Variants in PRDM6 observed in about 807,000 individuals in gnomAD.
PRDM6 encodes the protein PR/SET domain 6, also known as putative histone-lysine N-methyltransferase PRDM6.
In PRDM6, 25 loss-of-function variants were observed where a neutral mutation model predicts 60.8. The ratio of observed to expected loss-of-function variants is 0.41; its 90% CI spans 0.30 to 0.57. The LOEUF (loss-of-function observed/expected upper bound fraction) is 0.57. Among genes scored for constraint, PRDM6 ranks in the 20% least tolerant of loss-of-function variants. The pLI, the probability that PRDM6 is intolerant of heterozygous loss-of-function variation, is 0.27. For missense variants in PRDM6, 839 were observed against 821.3 expected, an observed-to-expected ratio of 1.02 and a Z score of -0.26; for synonymous variants, 407 against 357.4, an observed-to-expected ratio of 1.14 and a Z score of -1.57.
chr5:123,125,114 AC>A (rs1764663942), intron 3 of PRDM6, among the ~76,000 whole-genome samples: 1 of 137,512 alleles, frequency 7.3e-6, no homozygotes, highest in Non-Finnish European at 1.5e-5. Flanking sequence ...CCCTCCTAGT[AC>A]CTTGCTCAAT....
chr5:123,184,864 C>T (rs2126893674), intron 7 of PRDM6, among the ~76,000 whole-genome samples: 1 of 152,228 alleles, frequency 6.6e-6, no homozygotes, highest in East Asian at 1.9e-4. Flanking sequence ...TTCTGGTAGC[C>T]TTCTTTCCTC....
chr5:123,137,072 G>A (rs1189911384), intron 3 of PRDM6, among the ~76,000 whole-genome samples: 1 of 152,216 alleles, frequency 6.6e-6, no homozygotes, highest in Non-Finnish European at 1.5e-5. Context: ...AGGATGAAGT[G>A]AGATAATATA....
chr5:123,165,226 A>T (rs335213), intron 5 of PRDM6, among the ~76,000 whole-genome samples: 32,884 of 151,918 alleles, frequency 0.22, 4,144 homozygotes, highest in African/African-American at 0.34. Flanking sequence ...CTCACATGCA[A>T]CTCCAACTAA....
chr5:123,125,145 A>T (rs1449519166), intron 3 of PRDM6, among the ~76,000 whole-genome samples: 1 of 138,066 alleles, frequency 7.2e-6, no homozygotes, highest in African/African-American at 3.0e-5. Context: ...TACATACCGC[A>T]CCCCCTCCCC....
At chr5:123,169,273 T>C (rs1393242052) in intron 5 of PRDM6, among the ~76,000 whole-genome samples, 1 of 152,224 alleles carries the variant, frequency 6.6e-6, no homozygotes, top group East Asian at 1.9e-4. Flanking sequence ...ACCTATGAAA[T>C]GACCAGCAAA....
intron 4 of PRDM6, among the ~76,000 whole-genome samples, chr5:123,156,748 C>T (rs1765509105): frequency 2.0e-5 from 3 of 152,100 alleles, no homozygotes; most frequent in South Asian, 4.1e-4. Context: ...GGTGGATTCC[C>T]CGGACACTCA....
At chr5:123,091,875 C>T (rs547248673) in intron 2 of PRDM6, among the ~76,000 whole-genome samples, 1 of 151,974 alleles carries the variant, frequency 6.6e-6, no homozygotes, top group African/African-American at 2.4e-5. Context: ...CTTCTTAATT[C>T]GTTGTAAAAG....
chr5:123,106,881 T>C (rs750442810), intron 3 of PRDM6, among the ~76,000 whole-genome samples: 1 of 152,244 alleles, frequency 6.6e-6, no homozygotes, highest in Non-Finnish European at 1.5e-5. Context: ...CATTCCAGTG[T>C]GGTATAGACA....
chr5:123,170,832 G>GCAGCAAACT lies in PRDM6; in HGVS notation c.1222_1230dup (p.Ser408_Leu410dup), dbSNP rs1242049316. The GCAGCAAACT allele has an allele frequency of 1.3e-6, 2 of 1,552,058 alleles. No individual in the cohort carries two copies. Among genetic ancestry groups the GCAGCAAACT allele is most frequent in the African/African-American group, 2.7e-5 (2 of 73,040 alleles). On this transcript the variant is annotated inframe_insertion, in exon 6 of 8. Coordinates refer to ENST00000407847, the MANE Select transcript of PRDM6 (RefSeq NM_001136239.4). ...GACGCCCTGCAGCCCTTCAACAAAAGCAGCAAACTCGCCCCTACCACCCAG... is the reference window on the plus strand; with the variant it reads ...GACGCCCTGCAGCCCTTCAACAAAAGCAGCAAACTCAGCAAACTCGCCCCTACCACCCAG...
intron 3 of PRDM6, among the ~76,000 whole-genome samples, chr5:123,134,169 C>A (rs1199305155): frequency 6.6e-6 from 1 of 152,070 alleles, no homozygotes; most frequent in Non-Finnish European, 1.5e-5. Flanking sequence ...CGAAATTTAT[C>A]TGAAAAATAA....
intron 6 of PRDM6, among the ~76,000 whole-genome samples, chr5:123,175,865 G>A (rs961019636): frequency 1.3e-5 from 2 of 152,174 alleles, no homozygotes; most frequent in Non-Finnish European, 2.9e-5. Context: ...CAAATGAATT[G>A]CACATTTTAC....
chr5:123,105,140 A>G (rs73796828), intron 3 of PRDM6, among the ~76,000 whole-genome samples: 2,376 of 152,322 alleles, frequency 0.016, 49 homozygotes, highest in African/African-American at 0.054. Context: ...CAGTTTATCT[A>G]TTTTTACAAA....
In PRDM6 at chr5:123,180,130, C is replaced by T; in HGVS notation, c.1497-17C>T. On this transcript the variant is annotated splice_polypyrimidine_tract_variant and intron_variant, in intron 6 of 7. Coordinates refer to ENST00000407847, the MANE Select transcript of PRDM6 (RefSeq NM_001136239.4). The stretch of plus-strand genomic sequence containing the variant: ...ACGCAGAAAACAATGACCAGACAGT[C>T]TGTTTATTTGTTTCAGACCCTACCA... The T allele has an allele frequency of 6.6e-7, 1 of 1,519,992 alleles. No homozygotes were observed. The allele number at this position is 1,519,992 out of a possible 1,614,324, so 94.2% of individuals were successfully genotyped here.
At chr5:123,153,730 G>C (rs1580522634) in intron 3 of PRDM6, among the ~76,000 whole-genome samples, 1 of 152,162 alleles carries the variant, frequency 6.6e-6, no homozygotes, top group African/African-American at 2.4e-5. Context: ...GAGTGTAGGG[G>C]GAAACACTTT....
chr5:123,112,284 T>C (rs1315506228), intron 3 of PRDM6, among the ~76,000 whole-genome samples: 1 of 152,218 alleles, frequency 6.6e-6, no homozygotes, highest in African/African-American at 2.4e-5. Context: ...TTAGCAGTGC[T>C]GCATCCAGCG....
At position 123,152,478 on chromosome 5, in the gene PRDM6, A is replaced by G. The variant is rs114015808; in HGVS notation, c.901-3406A>G. ...TGTTCAGGAAAAACAAGGTTGGTCTATTGCTTGAATTTAGCCTGAGAGCCA... is the reference window on the plus strand; with the variant it reads ...TGTTCAGGAAAAACAAGGTTGGTCTGTTGCTTGAATTTAGCCTGAGAGCCA... On this transcript the variant is annotated intron_variant, in intron 3 of 7. Coordinates refer to ENST00000407847, the MANE Select transcript of PRDM6 (RefSeq NM_001136239.4). 5.6e-3 allele frequency among the ~76,000 whole-genome samples: 853 copies of G among 152,324 alleles called. 8 individuals carry two copies. Among genetic ancestry groups the G allele is most frequent in the African/African-American group, 0.02 (819 of 41,570 alleles).
At chr5:123,158,848 A>G (rs1329928333) in intron 4 of PRDM6, among the ~76,000 whole-genome samples, 2 of 151,442 alleles carry the variant, frequency 1.3e-5, no homozygotes, top group Non-Finnish European at 2.9e-5. Context: ...TTTTTTTTTT[A>G]CAGTACCAAA....
chr5:123,168,775 GC>G (rs1347279553), intron 5 of PRDM6, among the ~76,000 whole-genome samples: 5 of 152,364 alleles, frequency 3.3e-5, no homozygotes, highest in Admixed American at 3.3e-4. Flanking sequence ...TGCCGACAGA[GC>G]CCTGCAGACA....
intron 6 of PRDM6, 67 bp from the exon 7 acceptor site, chr5:123,180,080 A>C: frequency 7.0e-7 from 1 of 1,426,764 alleles, no homozygotes; most frequent in Non-Finnish European, 9.3e-7. Context: ...GCCCCTTGTC[A>C]TATGATTCTG....
Sources: allele counts gnomAD v4.1 joint callset (sites outside exome capture counted in the v4.1 genomes callset), GRCh38; gene constraint gnomAD v4.1.1; transcripts MANE v1.5; gene names NCBI Gene and HGNC (gene_info 2026-07-23, HGNC 2026-07-21).